FAM168A: variants seen among roughly 807,000 people sequenced by gnomAD.
FAM168A encodes the protein protein FAM168A.
A neutral mutation model predicts 28.5 loss-of-function variants in FAM168A; 3 were observed. The observed-to-expected ratio is 0.11, with a 90% CI of 0.05 to 0.27. The LOEUF (loss-of-function observed/expected upper bound fraction) is 0.27, where lower values mean the gene tolerates loss of function less well. Ranked by LOEUF, FAM168A falls within the 10% of genes least tolerant of loss-of-function variation. The pLI is 1.00. For missense variants in FAM168A, 222 were observed against 311.5 expected (o/e 0.71, Z 2.16); for synonymous variants, 122 against 124.2 (o/e 0.98, Z 0.12).
intron 1 of FAM168A, among the ~76,000 whole-genome samples, chr11:73,578,034 C>T (rs1944196237): frequency 6.6e-6 from 1 of 152,152 alleles, no homozygotes; most frequent in African/African-American, 2.4e-5. Context: ...CTCTAGACCA[C>T]CAAGTGAAAG....
intron 6 of FAM168A, among the ~76,000 whole-genome samples, chr11:73,409,236 C>T (rs1482232691): frequency 1.3e-5 from 2 of 152,190 alleles, no homozygotes; most frequent in Non-Finnish European, 2.9e-5. Context: ...GTTCTTTCTG[C>T]ACCACCCTTC....
intron 1 of FAM168A, among the ~76,000 whole-genome samples, chr11:73,567,518 ACT>A (rs1317696968): frequency 1.3e-5 from 2 of 152,016 alleles, no homozygotes; most frequent in African/African-American, 2.4e-5. Context: ...TCTACCTATG[ACT>A]CTGTGGAAGA....
intron 1 of FAM168A, among the ~76,000 whole-genome samples, chr11:73,516,320 A>G (rs1051591139): frequency 6.6e-6 from 1 of 152,130 alleles, no homozygotes; most frequent in Non-Finnish European, 1.5e-5. Flanking sequence ...CAATTTTTTC[A>G]TTTGTAAAAT....
At chr11:73,594,204 C>G (rs1484198429) in intron 1 of FAM168A, among the ~76,000 whole-genome samples, 1 of 152,060 alleles carries the variant, frequency 6.6e-6, no homozygotes, top group African/African-American at 2.4e-5. Flanking sequence ...CTGGCTCAAG[C>G]AATCCTCCCA....
At chr11:73,544,482 A>C (rs1943699261) in intron 1 of FAM168A, among the ~76,000 whole-genome samples, 2 of 151,852 alleles carry the variant, frequency 1.3e-5, no homozygotes, top group African/African-American at 4.8e-5. Context: ...TTATATGCTA[A>C]TGTTCACAGC....
chr11:73,499,760 G>A (rs1198745681), intron 1 of FAM168A, among the ~76,000 whole-genome samples: 1 of 151,810 alleles, frequency 6.6e-6, no homozygotes, highest in African/African-American at 2.4e-5. Context: ...TCAGCCAAGC[G>A]GAAGAAAGGT....
rs537081712 is a variant in FAM168A at position 73,440,375 on chromosome 11, G to A, written c.71-9605C>T. On this transcript the variant is annotated intron_variant, in intron 2 of 7. Coordinates refer to ENST00000356467, the MANE Select transcript of FAM168A (RefSeq NM_015159.3). ...TTTAAAATAAAACAGGCTGGTCGTG[G>A]TGGCTCACTCCTGAAATCCCAACAC... 5.9e-5 allele frequency among the ~76,000 whole-genome samples: 9 copies of A among 152,310 alleles called. No individual in the cohort carries two copies. In the East Asian group the frequency reaches 1.7e-3, roughly 29 times the overall value.
intron 1 of FAM168A, among the ~76,000 whole-genome samples, chr11:73,545,020 T>A (rs1372896838): frequency 1.1e-5 from 1 of 89,188 alleles, no homozygotes; most frequent in South Asian, 2.6e-4. Flanking sequence ...ATATATATAG[T>A]ATATATAATA....
intron 4 of FAM168A, among the ~76,000 whole-genome samples, chr11:73,419,281 C>T (rs997342331): frequency 1.3e-5 from 2 of 152,220 alleles, no homozygotes; most frequent in Admixed American, 6.5e-5. Context: ...CTCATACACA[C>T]CTTGGTCCCA....
At chr11:73,431,323 C>A (rs542749634) in intron 2 of FAM168A, among the ~76,000 whole-genome samples, 25 of 152,148 alleles carry the variant, frequency 1.6e-4, no homozygotes, top group African/African-American at 6.0e-4. Context: ...GCCTGGGCGA[C>A]AGAGCAAGAC....
At chr11:73,421,079 G>T (rs996731594) in intron 3 of FAM168A, among the ~76,000 whole-genome samples, 2 of 150,458 alleles carry the variant, frequency 1.3e-5, no homozygotes, top group Non-Finnish European at 3.0e-5. Flanking sequence ...CTTGGGGGGG[G>T]GGTCATGGAT....
chr11:73,465,252 TA>T (rs1456347549), intron 2 of FAM168A, among the ~76,000 whole-genome samples: 1 of 148,222 alleles, frequency 6.7e-6, no homozygotes, highest in Non-Finnish European at 1.5e-5. Context: ...ACATACTAGA[TA>T]GACCCCTGGG....
At chr11:73,512,406 G>C (rs1855242972) in intron 1 of FAM168A, among the ~76,000 whole-genome samples, 1 of 152,030 alleles carries the variant, frequency 6.6e-6, no homozygotes, top group African/African-American at 2.4e-5. Flanking sequence ...CCTAGGAAGA[G>C]GAGAGAATGA....
intron 1 of FAM168A, among the ~76,000 whole-genome samples, chr11:73,573,704 C>CAAGACAGGAGGTTGGCTGG (rs1565304571): frequency 1.3e-5 from 2 of 151,970 alleles, no homozygotes; most frequent in Non-Finnish European, 2.9e-5. Flanking sequence ...TTTGGGAGGC[C>CAAGACAGGAGGTTGGCTGG]AAGACAGGAG....
intron 2 of FAM168A, among the ~76,000 whole-genome samples, chr11:73,467,813 C>T (rs955555389): frequency 6.6e-6 from 1 of 152,146 alleles, no homozygotes; most frequent in African/African-American, 2.4e-5. Context: ...CCCATGAGTC[C>T]TGGTTACTGG....
At chr11:73,490,681 T>A (rs1335508989) in intron 1 of FAM168A, among the ~76,000 whole-genome samples, 1 of 152,194 alleles carries the variant, frequency 6.6e-6, no homozygotes, top group Non-Finnish European at 1.5e-5. Context: ...AGGTCTTAAT[T>A]TAAAATCACC....
intron 1 of FAM168A, among the ~76,000 whole-genome samples, chr11:73,591,986 T>A (rs1375295694): frequency 1.3e-5 from 2 of 152,168 alleles, no homozygotes; most frequent in Admixed American, 6.5e-5. Context: ...GGAAGACACA[T>A]TAGAAAACTA....
intron 1 of FAM168A, 59 bp downstream of exon 1, chr11:73,597,864 C>T (rs1211496491): frequency 6.6e-6 from 1 of 152,408 alleles, no homozygotes; most frequent in Non-Finnish European, 1.5e-5. Flanking sequence ...TCATTCTCGC[C>T]AGCGCCACCG....
intron 1 of FAM168A, among the ~76,000 whole-genome samples, chr11:73,505,225 G>A (rs1855084712): frequency 6.7e-6 from 1 of 148,950 alleles, no homozygotes; most frequent in Admixed American, 6.6e-5. Context: ...TAAAAGTCAT[G>A]GAGTTTTGCA....
Sources: allele counts gnomAD v4.1 joint callset (sites outside exome capture counted in the v4.1 genomes callset), GRCh38; gene constraint gnomAD v4.1.1; transcripts MANE v1.5; gene names NCBI Gene and HGNC (gene_info 2026-07-23, HGNC 2026-07-21).